LYRM4: variants seen among roughly 807,000 people sequenced by gnomAD.
LYRM4 encodes LYR motif-containing protein 4.
LYRM4 carries 9 observed loss-of-function variants against 11.7 expected under a neutral mutation model. The observed-to-expected ratio is 0.77, with a 90% CI of 0.46 to 1.34. The LOEUF (loss-of-function observed/expected upper bound fraction) is 1.34, where lower values mean the gene tolerates loss of function less well. LYRM4 is among the 40% of genes most tolerant of loss of function. The pLI is 0.00. For missense variants in LYRM4, 133 were observed against 112.5 expected, an observed-to-expected ratio of 1.18 and a Z score of -0.82; for synonymous variants, 42 against 40.4, an observed-to-expected ratio of 1.04 and a Z score of -0.15.
chr6:5,130,298 G>A (rs1435854697), intron 2 of LYRM4, among the ~76,000 whole-genome samples: 1 of 147,484 alleles, frequency 6.8e-6, no homozygotes, highest in East Asian at 1.9e-4. Flanking sequence ...AGACGTGTGA[G>A]CCCTGGGAAT....
At chr6:5,093,823 C>T in the LYRM4 span, among the ~76,000 whole-genome samples, 3 of 152,182 alleles carry the variant, frequency 2.0e-5, no homozygotes, top group Non-Finnish European at 4.4e-5. Flanking sequence ...AATAGTCCAT[C>T]GACCACCATT....
chr6:5,065,978 T>A, the LYRM4 span: 1 of 287,976 alleles, frequency 3.5e-6, no homozygotes, highest in Non-Finnish European at 6.8e-6. Flanking sequence ...AAGTGGTCTA[T>A]TAGATTGGCA....
In LYRM4 at chr6:5,108,730, C is replaced by T. The variant is rs1762745309; in HGVS notation, c.*693G>A. On this transcript the variant is annotated 3_prime_UTR_variant, in exon 3 of 3. Transcript: ENST00000330636. Reference sequence around the variant, plus strand: ...GTCAGGCTGGGGCTCTCTCATTCACCAGGTGTGGGGAGGGGCTTGAGCCTG... The same window carrying T: ...GTCAGGCTGGGGCTCTCTCATTCACTAGGTGTGGGGAGGGGCTTGAGCCTG... The T allele has an allele frequency of 5.2e-6, 5 of 953,166 alleles. No individual in the cohort carries two copies. Among genetic ancestry groups the T allele is most frequent in the South Asian group, 4.8e-5 (1 of 20,664 alleles). The allele number at this position is 953,166 out of a possible 1,614,324, so 59.0% of individuals were successfully genotyped here.
At chr6:5,036,049 T>C in the LYRM4 span, among the ~76,000 whole-genome samples, 2 of 99,366 alleles carry the variant, frequency 2.0e-5, no homozygotes, top group Admixed American at 1.3e-4. Context: ...CTAACTGAAG[T>C]TCCTTGTGTC....
Position 5,140,851 on chromosome 6 carries a change from T to C in LYRM4, c.208-31360A>G, listed in dbSNP as rs148604942. ...ACGTAGACTTTCCTTTTTCCTAGACTGTGAGCAGTACTGCCTTCCTTATGC... is the reference window on the plus strand; with the variant it reads ...ACGTAGACTTTCCTTTTTCCTAGACCGTGAGCAGTACTGCCTTCCTTATGC... On this transcript the variant is annotated intron_variant, in intron 2 of 2. Transcript: ENST00000330636. Among the ~76,000 whole-genome samples the C allele has an allele frequency of 2.5e-3, 375 of 152,338 alleles. 1 individual carries two copies. Among genetic ancestry groups the C allele is most frequent in the African/African-American group, 8.7e-3 (362 of 41,576 alleles).
chr6:5,249,623 A>T (rs1581600020), intron 1 of LYRM4, among the ~76,000 whole-genome samples: 1 of 152,212 alleles, frequency 6.6e-6, no homozygotes, highest in South Asian at 2.1e-4. Flanking sequence ...TTATGTCATA[A>T]CCTTGGCAAC....
the LYRM4 span, chr6:5,085,027 G>C: frequency 3.0e-5 from 5 of 168,284 alleles, 1 homozygote; most frequent in South Asian, 8.7e-4. Flanking sequence ...TCTGAAGGTT[G>C]AGCGCGAGCT....
At chr6:5,136,829 A>G (rs550819335) in intron 2 of LYRM4, 1 of 985,250 alleles carries the variant, frequency 1.0e-6, no homozygotes, top group African/African-American at 1.7e-5. Context: ...GATGTCTCTT[A>G]ACAGCTTTAT....
chr6:5,168,132 T>C (rs1418911032), intron 2 of LYRM4, among the ~76,000 whole-genome samples: 2 of 144,634 alleles, frequency 1.4e-5, no homozygotes, highest in African/African-American at 2.6e-5. Context: ...CAAAAAACAG[T>C]GGGAGAAGAG....
At chr6:5,165,222 A>G (rs935546726) in intron 2 of LYRM4, among the ~76,000 whole-genome samples, 6 of 152,228 alleles carry the variant, frequency 3.9e-5, no homozygotes, top group Non-Finnish European at 7.3e-5. Flanking sequence ...TTCCCATTCA[A>G]ATGATCACTT....
chr6:5,065,854 A>G, the LYRM4 span: 2,955 of 296,896 alleles, frequency 1.0e-2, 85 homozygotes, highest in African/African-American at 0.062. Context: ...TTGGAACACT[A>G]TAGTTTCAAA....
At chr6:5,257,699 T>C (rs773885569) in intron 1 of LYRM4, among the ~76,000 whole-genome samples, 4 of 152,172 alleles carry the variant, frequency 2.6e-5, no homozygotes, top group African/African-American at 4.8e-5. Flanking sequence ...GTGATCTAGG[T>C]TGCATGCTCC....
chr6:5,070,890 A>C, the LYRM4 span, among the ~76,000 whole-genome samples: 12 of 145,380 alleles, frequency 8.3e-5, no homozygotes, highest in South Asian at 2.6e-3. Flanking sequence ...AAAAAAAAAA[A>C]GGTTTAAAAA....
the LYRM4 span, among the ~76,000 whole-genome samples, chr6:5,063,549 G>C: frequency 6.6e-6 from 1 of 152,138 alleles, no homozygotes; most frequent in African/African-American, 2.4e-5. Flanking sequence ...GACACAATCT[G>C]AACCCCACTG....
At chr6:5,167,325 G>A (rs1238423928) in intron 2 of LYRM4, among the ~76,000 whole-genome samples, 1 of 152,094 alleles carries the variant, frequency 6.6e-6, no homozygotes, top group Non-Finnish European at 1.5e-5. Context: ...ACCATTAATA[G>A]TCTTATACCA....
chr6:5,212,828 T>C (rs1762055371), intron 2 of LYRM4, among the ~76,000 whole-genome samples: 2 of 152,188 alleles, frequency 1.3e-5, no homozygotes, highest in Admixed American at 6.5e-5. Context: ...AACAAGTGTA[T>C]GTCTGGCTTC....
At chr6:5,162,187 C>T (rs933787665) in intron 2 of LYRM4, among the ~76,000 whole-genome samples, 3 of 152,222 alleles carry the variant, frequency 2.0e-5, no homozygotes, top group African/African-American at 4.8e-5. Context: ...CACCTGGCTA[C>T]ACTCTTGGCC....
the LYRM4 span, among the ~76,000 whole-genome samples, chr6:5,064,735 T>C: frequency 1.3e-5 from 2 of 152,208 alleles, no homozygotes; most frequent in African/African-American, 2.4e-5. Flanking sequence ...AACACAATTG[T>C]ACATATTTAT....
At chr6:5,227,354 G>A (rs974690966) in intron 1 of LYRM4, among the ~76,000 whole-genome samples, 1 of 152,220 alleles carries the variant, frequency 6.6e-6, no homozygotes, top group Non-Finnish European at 1.5e-5. Context: ...TCTATGAAAG[G>A]AGAGGGAGCA....
Sources: allele counts gnomAD v4.1 joint callset (sites outside exome capture counted in the v4.1 genomes callset), GRCh38; gene constraint gnomAD v4.1.1; transcripts MANE v1.5; gene names NCBI Gene and HGNC (gene_info 2026-07-23, HGNC 2026-07-21).